SRGAP3: variants seen among roughly 807,000 people sequenced by gnomAD.
SRGAP3 encodes the protein SLIT-ROBO Rho GTPase-activating protein 3.
A neutral mutation model predicts 121.1 loss-of-function variants in SRGAP3; 39 were observed. The observed-to-expected ratio is 0.32, with a 90% CI of 0.25 to 0.42. The LOEUF (loss-of-function observed/expected upper bound fraction) is 0.42. Among genes scored for constraint, SRGAP3 ranks in the 10% least tolerant of loss-of-function variants. The pLI, the probability that SRGAP3 is intolerant of heterozygous loss-of-function variation, is 1.00. For synonymous variants in SRGAP3, 601 were observed against 570.0 expected (o/e 1.05, Z -0.77); for missense variants, 1,213 against 1,470.6 (o/e 0.82, Z 2.86).
At chr3:9,165,331 T>C (rs1950748816) in intron 1 of SRGAP3, among the ~76,000 whole-genome samples, 1 of 152,224 alleles carries the variant, frequency 6.6e-6, no homozygotes, top group Non-Finnish European at 1.5e-5. Context: ...ACAAGCCTCA[T>C]GTCCTGCTCT....
intron 10 of SRGAP3, 126 bp downstream of exon 10, chr3:9,047,255 CAGTCCTGGTA>C (rs1945335036): frequency 1.2e-6 from 1 of 863,620 alleles, no homozygotes; most frequent in Non-Finnish European, 1.9e-6. Flanking sequence ...CCAGCCTGCC[CAGTCCTGGTA>C]AGTCCAGGTT....
intron 4 of SRGAP3, 132 bp downstream of exon 4, chr3:9,079,893 A>G (rs1191158974): frequency 1.8e-5 from 15 of 829,624 alleles, no homozygotes; most frequent in Non-Finnish European, 2.7e-5. Flanking sequence ...ACGATGACCC[A>G]CTGTCACTCA....
chr3:9,347,601 T>G (rs545165900), intron 1 of SRGAP3, among the ~76,000 whole-genome samples: 15 of 152,286 alleles, frequency 9.8e-5, no homozygotes, highest in African/African-American at 3.6e-4. Context: ...TTTATTAGAA[T>G]ATGAAAGACT....
intron 10 of SRGAP3, among the ~76,000 whole-genome samples, chr3:9,040,222 T>C (rs931863488): frequency 1.3e-5 from 2 of 152,230 alleles, no homozygotes; most frequent in Admixed American, 6.5e-5. Flanking sequence ...AATCAGATCA[T>C]GTCCTTCCCT....
intron 1 of SRGAP3, among the ~76,000 whole-genome samples, chr3:9,126,103 T>C (rs1427727119): frequency 6.6e-6 from 1 of 152,150 alleles, no homozygotes; most frequent in African/African-American, 2.4e-5. Flanking sequence ...CCACAGGGTA[T>C]GCAAGCTGAG....
chr3:9,073,976 G>T (rs1946839477), intron 4 of SRGAP3, among the ~76,000 whole-genome samples: 1 of 151,942 alleles, frequency 6.6e-6, no homozygotes, highest in Non-Finnish European at 1.5e-5. Flanking sequence ...CTTCTTCCTG[G>T]GTACCTTCTT....
At chr3:9,314,935 T>C (rs1325938133) in intron 3 of SRGAP3, among the ~76,000 whole-genome samples, 4 of 152,164 alleles carry the variant, frequency 2.6e-5, no homozygotes, top group Non-Finnish European at 5.9e-5. Flanking sequence ...CCCAGCACAT[T>C]TGAACTCCAG....
At chr3:9,297,814 A>AG (rs1437681576) in intron 3 of SRGAP3, among the ~76,000 whole-genome samples, 1 of 151,940 alleles carries the variant, frequency 6.6e-6, no homozygotes, top group Non-Finnish European at 1.5e-5. Flanking sequence ...GAGAATCGCT[A>AG]GAACCCAGGA....
chr3:9,041,079 C>A (rs1944988602), intron 10 of SRGAP3, among the ~76,000 whole-genome samples: 1 of 152,174 alleles, frequency 6.6e-6, no homozygotes, highest in Non-Finnish European at 1.5e-5. Flanking sequence ...CCAAATGAGT[C>A]AATAAGCAGA....
chr3:9,146,817 T>C (rs867844515), intron 1 of SRGAP3, among the ~76,000 whole-genome samples: 4 of 152,140 alleles, frequency 2.6e-5, no homozygotes, highest in Non-Finnish European at 5.9e-5. Context: ...GCGTCCCTCT[T>C]GGGTGCTTGG....
At chr3:9,121,703 G>GC (rs957220795) in intron 2 of SRGAP3, among the ~76,000 whole-genome samples, 13 of 152,114 alleles carry the variant, frequency 8.5e-5, no homozygotes, top group East Asian at 3.9e-4. Context: ...GGAATAGGGT[G>GC]CCCCCCCATA....
chr3:9,098,641 T>A (rs958285532), intron 3 of SRGAP3, among the ~76,000 whole-genome samples: 1 of 152,160 alleles, frequency 6.6e-6, no homozygotes, highest in Admixed American at 6.5e-5. Context: ...AACCCTAACC[T>A]CACCTTTCTT....
At chr3:9,075,787 G>C (rs1367705465) in intron 4 of SRGAP3, among the ~76,000 whole-genome samples, 1 of 152,220 alleles carries the variant, frequency 6.6e-6, no homozygotes, top group Admixed American at 6.5e-5. Context: ...GGCTGAGGGA[G>C]GAGGGGGACT....
intron 9 of SRGAP3, chr3:9,049,303 G>T: frequency 2.3e-6 from 1 of 427,466 alleles, no homozygotes. Context: ...GGAGGTTGTG[G>T]TGTCCTCTCT....
intron 3 of SRGAP3, among the ~76,000 whole-genome samples, chr3:9,297,951 G>A (rs1253269038): frequency 6.6e-6 from 1 of 151,926 alleles, no homozygotes; most frequent in Non-Finnish European, 1.5e-5. Flanking sequence ...GTGCATTGAA[G>A]GAAGACTATG....
intron 1 of SRGAP3, among the ~76,000 whole-genome samples, chr3:9,230,764 G>A (rs1324049446): frequency 6.6e-6 from 1 of 151,452 alleles, no homozygotes; most frequent in Non-Finnish European, 1.5e-5. Context: ...TCCCAGCTAC[G>A]CAGGAGTCTG....
chr3:9,302,325 C>T (rs1322349476), intron 3 of SRGAP3, among the ~76,000 whole-genome samples: 1 of 152,160 alleles, frequency 6.6e-6, no homozygotes, highest in Admixed American at 6.5e-5. Context: ...ATCCCCCTCA[C>T]CCCTCCCCAG....
intron 1 of SRGAP3, among the ~76,000 whole-genome samples, chr3:9,183,627 AT>A (rs1378296263): frequency 6.6e-6 from 1 of 152,164 alleles, no homozygotes; most frequent in African/African-American, 2.4e-5. Flanking sequence ...CCTCTAGAAT[AT>A]TTTAATTTTA....
At position 9,038,545 on chromosome 3, in the gene SRGAP3, C is replaced by T. The variant is rs997815678; in HGVS notation, c.1409-455G>A. 1.1e-4 allele frequency among the ~76,000 whole-genome samples: 16 copies of T among 152,362 alleles called. No individual in the cohort carries two copies. In the South Asian group the frequency reaches 1.7e-3, roughly 16 times the overall value. ...ATGTTTAATGGCAACAAAGATTGAC[C>T]GAGCCCCTGTTGTATGCCTGGCACT... On this transcript the variant is annotated intron_variant, in intron 10 of 21. Transcript: ENST00000383836.
Sources: gnomAD v4.1 joint callset for allele counts (sites outside exome capture counted in the v4.1 genomes callset) on GRCh38, gnomAD v4.1.1 for gene constraint, MANE v1.5 for transcripts, NCBI Gene and HGNC (gene_info 2026-07-23, HGNC 2026-07-21) for gene names.